BTBD9: variants seen among roughly 807,000 people sequenced by gnomAD.
BTBD9 encodes BTB/POZ domain-containing protein 9.
BTBD9 carries 49 observed loss-of-function variants against 64.3 expected under a neutral mutation model. The ratio of observed to expected loss-of-function variants is 0.76; its 90% CI spans 0.61 to 0.97. The LOEUF (loss-of-function observed/expected upper bound fraction) is 0.97. Among genes scored for constraint, BTBD9 ranks in the 50% least tolerant of loss-of-function variants. The probability of loss-of-function intolerance (pLI) is 0.00; values close to 1 mark genes in which losing one functional copy is unlikely to be tolerated. For synonymous variants in BTBD9, 260 were observed against 274.7 expected, an observed-to-expected ratio of 0.95 and a Z score of 0.53; for missense variants, 598 against 762.1, an observed-to-expected ratio of 0.78 and a Z score of 2.53.
chr6:38,439,134 T>G (rs947248195), intron 6 of BTBD9, among the ~76,000 whole-genome samples: 1 of 117,072 alleles, frequency 8.5e-6, no homozygotes, highest in African/African-American at 3.1e-5. Context: ...TTTTTTTTTT[T>G]GGTGAGATGG....
chr6:38,576,273 G>A (rs1427028744), intron 6 of BTBD9, among the ~76,000 whole-genome samples: 1 of 152,056 alleles, frequency 6.6e-6, no homozygotes, highest in Non-Finnish European at 1.5e-5. Context: ...TCTGAGATAT[G>A]GAATCTTCAC....
At chr6:38,475,694 G>C (rs1770847987) in intron 6 of BTBD9, among the ~76,000 whole-genome samples, 1 of 152,144 alleles carries the variant, frequency 6.6e-6, no homozygotes, top group South Asian at 2.1e-4. Flanking sequence ...GCCACAATTT[G>C]GTTCTGAGAA....
At chr6:38,597,806 C>T (rs540427967) in intron 2 of BTBD9, 104 bp downstream of exon 2, 147 of 965,520 alleles carry the variant, frequency 1.5e-4, no homozygotes, top group Non-Finnish European at 2.1e-4. Context: ...TGAGAGACTG[C>T]AAGACTTTGT....
chr6:38,525,900 G>A (rs1354287368), intron 6 of BTBD9, among the ~76,000 whole-genome samples: 1 of 152,178 alleles, frequency 6.6e-6, no homozygotes, highest in Non-Finnish European at 1.5e-5. Flanking sequence ...ATATTTAAAA[G>A]GGAATAAGAG....
chr6:38,542,741 G>A (rs537748546), intron 6 of BTBD9, among the ~76,000 whole-genome samples: 9 of 152,238 alleles, frequency 5.9e-5, no homozygotes, highest in South Asian at 4.1e-4. Flanking sequence ...TAACCTGGGC[G>A]GGACTCAGGA....
chr6:38,462,159 T>A (rs1265457715), intron 6 of BTBD9, among the ~76,000 whole-genome samples: 1 of 152,204 alleles, frequency 6.6e-6, no homozygotes, highest in African/African-American at 2.4e-5. Flanking sequence ...GGTTTTACAT[T>A]TGAAGTCCAG....
At chr6:38,411,976 CAT>C (rs1389960608) in intron 6 of BTBD9, among the ~76,000 whole-genome samples, 5 of 151,944 alleles carry the variant, frequency 3.3e-5, no homozygotes, top group African/African-American at 9.7e-5. Context: ...TACACACACA[CAT>C]ACATATATAT....
intron 7 of BTBD9, among the ~76,000 whole-genome samples, chr6:38,331,866 C>G (rs1281986281): frequency 6.6e-6 from 1 of 151,802 alleles, no homozygotes; most frequent in African/African-American, 2.4e-5. Flanking sequence ...GAAAAAAAAG[C>G]AAAAAAAGAA....
In BTBD9 at chr6:38,175,161, C is replaced by CA. The variant is rs769082628; in HGVS notation, c.1662dup (p.Glu555Ter). 1.9e-6 allele frequency: 3 copies of CA among 1,614,218 alleles called. No homozygotes were observed. The highest frequency in any genetic ancestry group is 4.5e-5 in the East Asian group (2 of 44,874). On this transcript the variant is annotated frameshift_variant, in exon 11 of 11. Coordinates refer to ENST00000481247, the MANE Select transcript of BTBD9 (RefSeq NM_001099272.2). LOFTEE classifies it high-confidence loss of function. ...TGGCTGCTCTGCTGCTCTGGACACT[C>CA]AAAGTGGACACAGTGGAACACCTGG...
chr6:38,538,156 T>G (rs1703875619), intron 6 of BTBD9, among the ~76,000 whole-genome samples: 1 of 152,310 alleles, frequency 6.6e-6, no homozygotes, highest in Non-Finnish European at 1.5e-5. Context: ...TCTTTGCAAA[T>G]TTATAGTACT....
intron 4 of BTBD9, among the ~76,000 whole-genome samples, chr6:38,584,800 C>T (rs925429105): frequency 3.3e-5 from 5 of 152,158 alleles, no homozygotes; most frequent in African/African-American, 1.2e-4. Flanking sequence ...GACAATTCCT[C>T]ACTTACCTTA....
chr6:38,415,124 A>G lies in BTBD9; in HGVS notation c.1155-70031T>C, dbSNP rs78369727. The stretch of plus-strand genomic sequence containing the variant: ...TATAGACCTAGCTACCTACAAAGGC[A>G]TACCTTTCGTAGGTAGCATAATGAC... On this transcript the variant is annotated intron_variant, in intron 6 of 10. Transcript: ENST00000481247. Among the ~76,000 whole-genome samples the G allele has an allele frequency of 9.8e-4, 149 of 152,294 alleles. 2 individuals carry two copies. The East Asian group carries it at 0.015, about 16-fold the overall frequency.
intron 6 of BTBD9, among the ~76,000 whole-genome samples, chr6:38,413,822 T>C (rs1449681700): frequency 1.3e-5 from 2 of 152,218 alleles, no homozygotes; most frequent in Non-Finnish European, 1.5e-5. Flanking sequence ...TCAGCCCTTC[T>C]GTCTCACTGA....
chr6:38,618,330 A>C (rs568733299), intron 1 of BTBD9, among the ~76,000 whole-genome samples: 1 of 152,364 alleles, frequency 6.6e-6, no homozygotes, highest in African/African-American at 2.4e-5. Flanking sequence ...ACTATCCTGC[A>C]GCTTGACCTT....
chr6:38,595,991 C>A (rs971910583), intron 2 of BTBD9: 2 of 985,264 alleles, frequency 2.0e-6, no homozygotes, highest in African/African-American at 3.5e-5. Flanking sequence ...TAAACATGAA[C>A]CCCCAACTTC....
intron 6 of BTBD9, among the ~76,000 whole-genome samples, chr6:38,454,556 G>T (rs1254675650): frequency 6.7e-6 from 1 of 150,230 alleles, no homozygotes; most frequent in East Asian, 1.9e-4. Context: ...CTAGCACTTA[G>T]GAGGCCGACA....
intron 7 of BTBD9, among the ~76,000 whole-genome samples, chr6:38,335,949 G>T (rs1400506277): frequency 2.6e-5 from 4 of 151,996 alleles, no homozygotes; most frequent in Non-Finnish European, 5.9e-5. Context: ...TGGCCAGGCT[G>T]GTCTCAAACT....
intron 7 of BTBD9, among the ~76,000 whole-genome samples, chr6:38,304,152 G>T (rs1470645571): frequency 6.6e-6 from 1 of 151,620 alleles, no homozygotes; most frequent in African/African-American, 2.4e-5. Flanking sequence ...GTATATCAGT[G>T]AAATCTACCC....
At chr6:38,309,636 C>T (rs1762754724) in intron 7 of BTBD9, among the ~76,000 whole-genome samples, 2 of 151,922 alleles carry the variant, frequency 1.3e-5, no homozygotes, top group Non-Finnish European at 2.9e-5. Flanking sequence ...TGGTCTCAAT[C>T]TCCTGACCTC....
Sources: allele counts gnomAD v4.1 joint callset (sites outside exome capture counted in the v4.1 genomes callset), GRCh38; gene constraint gnomAD v4.1.1; transcripts MANE v1.5; gene names NCBI Gene and HGNC (gene_info 2026-07-23, HGNC 2026-07-21).